The following NTN4 variants were observed in gnomAD, a reference collection of about 807,000 sequenced individuals.
The protein encoded by NTN4 is netrin-4.
A neutral mutation model predicts 73.6 loss-of-function variants in NTN4; 32 were observed. The ratio of observed to expected loss-of-function variants is 0.44; its 90% confidence interval spans 0.33 to 0.58. The LOEUF is 0.58. Among genes scored for constraint, NTN4 ranks in the 20% least tolerant of loss-of-function variants. The pLI is 0.04. For missense variants in NTN4, 654 were observed against 798.3 expected (o/e 0.82, Z 2.18); for synonymous variants, 258 against 287.5 (o/e 0.90, Z 1.04).
At chr12:95,749,179 C>A (rs1244388604) in intron 2 of NTN4, among the ~76,000 whole-genome samples, 1 of 152,186 alleles carries the variant, frequency 6.6e-6, no homozygotes, top group Non-Finnish European at 1.5e-5. Context: ...TCTCCCTTCG[C>A]TGACTCTCTT....
intron 3 of NTN4, among the ~76,000 whole-genome samples, chr12:95,732,514 C>T (rs2078745966): frequency 6.6e-6 from 1 of 150,400 alleles, no homozygotes; most frequent in African/African-American, 2.5e-5. Flanking sequence ...AGCGATTCTT[C>T]GGCCCCAATC....
chr12:95,713,245 C>T lies in NTN4; in HGVS notation c.958G>A (p.Asp320Asn). The T allele has an allele frequency of 6.2e-7, 1 of 1,613,556 alleles. No homozygotes were observed. The highest frequency in any genetic ancestry group is 8.5e-7 in the Non-Finnish European group (1 of 1,179,540). Residue 320 changes from aspartate (D) to asparagine (N), a missense_variant, in exon 4 of 10, where the codon GAT becomes AAT. Physicochemically the swap from Asp to Asn is conservative, Grantham distance 23 (BLOSUM62 1). Coordinates refer to ENST00000343702, the MANE Select transcript of NTN4 (RefSeq NM_021229.4). ...TCGTTGGGAGCCCCCGTTTTGCCAT[C>T]AGCTGCCTCCCATGGCCGGTCATTG... ...LYNDRPWEAA[D>N]GKTGAPNECR...
At chr12:95,670,008 C>A in intron 8 of NTN4, 70 bp downstream of exon 8, 1 of 860,930 alleles carries the variant, frequency 1.2e-6, no homozygotes, top group Non-Finnish European at 1.9e-6. Flanking sequence ...TCAGGCCTCC[C>A]ATTTTCTTAA....
Position 95,785,518 on chromosome 12 carries a change from G to A in NTN4, c.585+1421C>T, listed in dbSNP as rs143398607. Among the ~76,000 whole-genome samples the A allele has an allele frequency of 4.9e-4, 74 of 152,304 alleles. No individual in the cohort carries two copies. In the East Asian group the frequency reaches 0.012, roughly 24 times the overall value. On this transcript the variant is annotated intron_variant, in intron 2 of 9. Coordinates refer to ENST00000343702, the MANE Select transcript of NTN4 (RefSeq NM_021229.4). The stretch of plus-strand genomic sequence containing the variant: ...TGCTGCTTGCACCATGTCCTACTTG[G>A]TTCTGGTGCCAGCAGCACTATTCTT...
chr12:95,733,051 A>G (rs1471777467), intron 3 of NTN4, among the ~76,000 whole-genome samples: 3 of 152,264 alleles, frequency 2.0e-5, no homozygotes, highest in African/African-American at 7.2e-5. Context: ...TCCAAATTAC[A>G]GGAGAAAAAT....
rs2079130838 is a variant in NTN4, at chr12:95,781,213, T to G, written c.585+5726A>C. Among the ~76,000 whole-genome samples the G allele has an allele frequency of 6.6e-6, 1 of 152,126 alleles. No individual in the cohort carries two copies. Among genetic ancestry groups the G allele is most frequent in the Non-Finnish European group, 1.5e-5 (1 of 68,030 alleles). ...GATATACCTTATGTAAATGACGAGT[T>G]AATGGGTGCAGCACACCAGCATGGC... On this transcript the variant is annotated intron_variant, in intron 2 of 9. Transcript: ENST00000343702. The surrounding 1 kb of genome is among the most constrained non-coding windows in gnomAD (Gnocchi z 4.1).
At chr12:95,727,209 T>A (rs981337842) in intron 3 of NTN4, among the ~76,000 whole-genome samples, 4 of 152,200 alleles carry the variant, frequency 2.6e-5, no homozygotes, top group Admixed American at 6.5e-5. Context: ...TATTGGCCAT[T>A]TGCATACCTT....
chr12:95,667,189 G>GT (rs1565876836), intron 8 of NTN4, among the ~76,000 whole-genome samples: 1 of 149,934 alleles, frequency 6.7e-6, no homozygotes, highest in Non-Finnish European at 1.5e-5. Flanking sequence ...ACGTAGGGAA[G>GT]TTCTTTTTTT....
chr12:95,694,007 C>G (rs560327088), intron 5 of NTN4, among the ~76,000 whole-genome samples: 1 of 152,142 alleles, frequency 6.6e-6, no homozygotes, highest in East Asian at 1.9e-4. Flanking sequence ...TAATTGCTGC[C>G]GGTTCATCTT....
At chr12:95,682,637 TG>T in intron 7 of NTN4, 69 bp downstream of exon 7, 1 of 1,023,688 alleles carries the variant, frequency 9.8e-7, no homozygotes, top group Non-Finnish European at 1.5e-6. Context: ...AGCTGGACCC[TG>T]GTTTGTCACG....
At chr12:95,752,351 C>T (rs1408358078) in intron 2 of NTN4, among the ~76,000 whole-genome samples, 108 of 145,744 alleles carry the variant, frequency 7.4e-4, no homozygotes, top group African/African-American at 2.4e-3. Context: ...TGGTGCCAAA[C>T]CCATATACTC....
intron 2 of NTN4, among the ~76,000 whole-genome samples, chr12:95,772,226 G>C (rs900564729): frequency 6.6e-6 from 1 of 152,030 alleles, no homozygotes; most frequent in Non-Finnish European, 1.5e-5. Context: ...TTTTTGTAGA[G>C]ACAGGGTTTC....
At chr12:95,692,041 C>G (rs747998385) in intron 5 of NTN4, among the ~76,000 whole-genome samples, 1 of 151,924 alleles carries the variant, frequency 6.6e-6, no homozygotes, top group Non-Finnish European at 1.5e-5. Flanking sequence ...TGAATAGTAC[C>G]TTTTTTTGGG....
At chr12:95,755,274 AT>A (rs1365946628) in intron 2 of NTN4, among the ~76,000 whole-genome samples, 3 of 152,252 alleles carry the variant, frequency 2.0e-5, no homozygotes, top group Non-Finnish European at 2.9e-5. Flanking sequence ...ATTCTGTCAG[AT>A]GAGGACATGT....
At chr12:95,726,595 T>C (rs6538665) in intron 3 of NTN4, among the ~76,000 whole-genome samples, 13,964 of 152,218 alleles carry the variant, frequency 0.092, 1,786 homozygotes, top group African/African-American at 0.29. Flanking sequence ...AGATTTTGTG[T>C]AGACATGTTT....
chr12:95,787,332 G>A lies in NTN4; in HGVS notation c.192C>T (p.Tyr64=). Residue 64 remains tyrosine, a synonymous_variant, in exon 2 of 10, where the codon TAC becomes TAT. Transcript: ENST00000343702. The stretch of plus-strand genomic sequence containing the variant: ...GACAAGTCAGATCCGTGTTCTCACT[G>A]TAGAAGCAGTACAGTTCGGTAGCAT... ...GQNATELYCF[Y]SENTDLTCRQ... 6.2e-7 allele frequency: 1 copy of A among 1,614,228 alleles called. No individual in the cohort carries two copies. The highest frequency in any genetic ancestry group is 8.5e-7 in the Non-Finnish European group (1 of 1,180,040).
intron 5 of NTN4, 79 bp from the exon 6 acceptor site, chr12:95,683,790 G>A (rs958450251): frequency 8.0e-6 from 9 of 1,122,346 alleles, no homozygotes; most frequent in Non-Finnish European, 1.2e-5. Context: ...CCATCCCCAA[G>A]TGGCTTCCCT....
At chr12:95,769,917 C>A (rs192635669) in intron 2 of NTN4, among the ~76,000 whole-genome samples, 1 of 152,020 alleles carries the variant, frequency 6.6e-6, no homozygotes, top group African/African-American at 2.4e-5. Context: ...CCACCACACC[C>A]GGCTAATTTT....
intron 8 of NTN4, 124 bp from the exon 9 acceptor site, chr12:95,666,104 C>T: frequency 1.3e-6 from 1 of 741,364 alleles, no homozygotes; most frequent in Non-Finnish European, 2.1e-6. Flanking sequence ...TGAAAATTTG[C>T]TTTAAAAATC....
Sources: allele counts gnomAD v4.1 joint callset (sites outside exome capture counted in the v4.1 genomes callset), GRCh38; gene constraint gnomAD v4.1.1; non-coding constraint Gnocchi (gnomAD v3.1); transcripts MANE v1.5; gene names NCBI Gene and HGNC (gene_info 2026-07-23, HGNC 2026-07-21).